COL19A1: variants seen among roughly 807,000 people sequenced by gnomAD.
COL19A1 encodes the protein collagen alpha-1(XIX) chain.
Under a neutral mutation model 190.2 loss-of-function variants are expected in COL19A1, and 159 were observed. The observed-to-expected ratio is 0.84, with a 90% CI of 0.73 to 0.95. The LOEUF (loss-of-function observed/expected upper bound fraction) is 0.95. Ranked by LOEUF, COL19A1 falls within the 40% of genes least tolerant of loss-of-function variation. The pLI is 0.00. For synonymous variants in COL19A1, 509 were observed against 458.9 expected (o/e 1.11, Z -1.39); for missense variants, 1,418 against 1,431.9 (o/e 0.99, Z 0.16).
intron 48 of COL19A1, among the ~76,000 whole-genome samples, chr6:70,196,474 C>A (rs549911431): frequency 6.6e-6 from 1 of 152,278 alleles, no homozygotes; most frequent in African/African-American, 2.4e-5. Flanking sequence ...TTTCCATGGG[C>A]ATTAGGAGGA....
At chr6:69,892,582 C>G (rs959590731) in intron 2 of COL19A1, among the ~76,000 whole-genome samples, 9 of 152,072 alleles carry the variant, frequency 5.9e-5, no homozygotes, top group African/African-American at 2.2e-4. Flanking sequence ...CTCTGTTCCC[C>G]AAGGAATCTC....
At chr6:69,900,374 A>G in intron 4 of COL19A1, 36 bp downstream of exon 4, 3 of 1,082,556 alleles carry the variant, frequency 2.8e-6, no homozygotes, top group Non-Finnish European at 2.6e-6. Context: ...GTTTAATAAT[A>G]CTTCATAAAT....
chr6:70,169,688 CT>C (rs1765387318), intron 40 of COL19A1, among the ~76,000 whole-genome samples: 1 of 152,078 alleles, frequency 6.6e-6, no homozygotes, highest in African/African-American at 2.4e-5. Context: ...ATTCAGTTTC[CT>C]TTGTTTTACT....
At chr6:70,185,404 T>A (rs62421670) in intron 46 of COL19A1, among the ~76,000 whole-genome samples, 34,050 of 151,992 alleles carry the variant, frequency 0.22, 3,988 homozygotes, top group Non-Finnish European at 0.26. Context: ...CATCACCAAA[T>A]GTCTCCTGGG....
intron 34 of COL19A1, among the ~76,000 whole-genome samples, chr6:70,158,578 G>A (rs969127036): frequency 3.3e-5 from 5 of 152,094 alleles, no homozygotes; most frequent in African/African-American, 9.7e-5. Flanking sequence ...GCTCAAGGTA[G>A]CAACTTGGAA....
intron 15 of COL19A1, among the ~76,000 whole-genome samples, chr6:70,095,483 A>G (rs1783194426): frequency 6.6e-6 from 1 of 152,208 alleles, no homozygotes. Flanking sequence ...TATTAGAACT[A>G]CCATGTACTG....
chr6:70,050,770 C>T (rs1307004293), intron 14 of COL19A1, among the ~76,000 whole-genome samples: 2 of 151,962 alleles, frequency 1.3e-5, no homozygotes, highest in Non-Finnish European at 2.9e-5. Context: ...TCACTTACTA[C>T]CCCTGATTAT....
At chr6:70,058,062 A>AC (rs1780609345) in intron 14 of COL19A1, among the ~76,000 whole-genome samples, 1 of 152,036 alleles carries the variant, frequency 6.6e-6, no homozygotes, top group South Asian at 2.1e-4. Flanking sequence ...TTCCAGATTC[A>AC]CAGACTCTAT....
chr6:69,960,655 A>T (rs1582531159), intron 10 of COL19A1, among the ~76,000 whole-genome samples: 2 of 115,266 alleles, frequency 1.7e-5, no homozygotes, highest in East Asian at 2.6e-4. Context: ...TTTGAGACGG[A>T]GTCTCGCTCT....
intron 48 of COL19A1, among the ~76,000 whole-genome samples, chr6:70,191,924 G>A (rs1363804762): frequency 1.3e-5 from 2 of 152,158 alleles, no homozygotes; most frequent in African/African-American, 4.8e-5. Flanking sequence ...ATAATTAGCA[G>A]TAGAGACTGA....
intron 14 of COL19A1, among the ~76,000 whole-genome samples, chr6:70,064,877 A>T (rs1391672703): frequency 2.0e-5 from 3 of 152,204 alleles, no homozygotes; most frequent in African/African-American, 7.2e-5. Flanking sequence ...ACAGAATAAA[A>T]TACCTAGGAA....
chr6:70,032,176 A>C (rs1041138760), intron 12 of COL19A1, among the ~76,000 whole-genome samples: 5 of 152,176 alleles, frequency 3.3e-5, no homozygotes, highest in Non-Finnish European at 1.5e-5. Flanking sequence ...GACAGGCCAA[A>C]GACTTAGACA....
intron 11 of COL19A1, among the ~76,000 whole-genome samples, chr6:69,970,626 G>A (rs545813307): frequency 1.3e-5 from 2 of 152,156 alleles, no homozygotes; most frequent in South Asian, 2.1e-4. Flanking sequence ...TATAAATATA[G>A]CACTTTCCCT....
intron 48 of COL19A1, among the ~76,000 whole-genome samples, chr6:70,198,744 A>C (rs1767365723): frequency 6.6e-6 from 1 of 152,212 alleles, no homozygotes; most frequent in South Asian, 2.1e-4. Flanking sequence ...TAAAACATTT[A>C]TCTTACATTT....
At chr6:70,036,163 C>G (rs1434377617) in intron 14 of COL19A1, among the ~76,000 whole-genome samples, 3 of 152,210 alleles carry the variant, frequency 2.0e-5, no homozygotes, top group African/African-American at 7.2e-5. Context: ...AGTCTGGAAT[C>G]AGTACCTACC....
At chr6:70,163,297 C>T (rs1157395605) in intron 35 of COL19A1, 46 bp from the exon 36 acceptor site, 1 of 1,564,964 alleles carries the variant, frequency 6.4e-7, no homozygotes, top group Non-Finnish European at 8.8e-7. Flanking sequence ...ACCCTTTGGC[C>T]ATTTAATTGT....
At chr6:70,147,138 C>T (rs1786713445) in intron 27 of COL19A1, among the ~76,000 whole-genome samples, 3 of 152,128 alleles carry the variant, frequency 2.0e-5, no homozygotes, top group African/African-American at 7.2e-5. Context: ...TCATTTAACC[C>T]TTATACCTCT....
intron 48 of COL19A1, among the ~76,000 whole-genome samples, chr6:70,195,863 A>G (rs1767164559): frequency 6.6e-6 from 1 of 152,160 alleles, no homozygotes. Flanking sequence ...CTGGTTCTTA[A>G]CTTCCAAAAT....
intron 4 of COL19A1, among the ~76,000 whole-genome samples, chr6:69,926,015 A>G (rs969546042): frequency 2.0e-5 from 3 of 152,294 alleles, no homozygotes; most frequent in African/African-American, 7.2e-5. Context: ...CTAAATATAC[A>G]ATCATGTCAT....
Sources: allele counts gnomAD v4.1 joint callset (sites outside exome capture counted in the v4.1 genomes callset), GRCh38; gene constraint gnomAD v4.1.1; transcripts MANE v1.5; gene names NCBI Gene and HGNC (gene_info 2026-07-23, HGNC 2026-07-21).